Variants in NCAM2 observed in about 807,000 individuals in gnomAD.
The protein encoded by NCAM2 is neural cell adhesion molecule 2.
A neutral mutation model predicts 98.1 loss-of-function variants in NCAM2; 30 were observed. The observed-to-expected ratio is 0.31, with a 90% CI of 0.23 to 0.41. NCAM2 has a LOEUF of 0.41. Among genes scored for constraint, NCAM2 ranks in the 10% least tolerant of loss-of-function variants. NCAM2 has a pLI of 1.00. For missense variants in NCAM2, 867 were observed against 1,005.8 expected (o/e 0.86, Z 1.87); for synonymous variants, 368 against 342.4 (o/e 1.07, Z -0.83).
chr21:21,254,898 TTGTGTGTG>T (rs34003442), intron 1 of NCAM2, among the ~76,000 whole-genome samples: 4 of 147,776 alleles, frequency 2.7e-5, no homozygotes, highest in Non-Finnish European at 4.5e-5. Context: ...GGATAATAGT[TTGTGTGTG>T]TGTGTGTGTG....
chr21:21,382,091 A>G (rs2076165771), intron 9 of NCAM2, among the ~76,000 whole-genome samples: 1 of 152,172 alleles, frequency 6.6e-6, no homozygotes, highest in Non-Finnish European at 1.5e-5. Flanking sequence ...TATGCCATAT[A>G]TCATTTTATC....
intron 1 of NCAM2, among the ~76,000 whole-genome samples, chr21:21,131,796 AT>A (rs1344919876): frequency 1.3e-5 from 2 of 152,158 alleles, no homozygotes. Flanking sequence ...TTTAACTTAA[AT>A]TGTTTCCCAG....
intron 15 of NCAM2, among the ~76,000 whole-genome samples, chr21:21,477,880 A>G (rs991465832): frequency 6.6e-6 from 1 of 152,134 alleles, no homozygotes; most frequent in Non-Finnish European, 1.5e-5. Context: ...CCTATGCCTG[A>G]CCAAGCAAGT....
intron 1 of NCAM2, among the ~76,000 whole-genome samples, chr21:21,192,358 CTG>C (rs2068852004): frequency 6.6e-6 from 1 of 152,096 alleles, no homozygotes; most frequent in African/African-American, 2.4e-5. Flanking sequence ...GTAGAGGAAA[CTG>C]TTTCAAAAGA....
At chr21:21,263,335 T>C (rs1478894096) in intron 1 of NCAM2, among the ~76,000 whole-genome samples, 2 of 152,086 alleles carry the variant, frequency 1.3e-5, no homozygotes, top group African/African-American at 2.4e-5. Flanking sequence ...CAAGGTGAAC[T>C]AGAAAACGCT....
chr21:21,003,747 AG>A (rs2064062452), intron 1 of NCAM2, among the ~76,000 whole-genome samples: 1 of 152,190 alleles, frequency 6.6e-6, no homozygotes, highest in South Asian at 2.1e-4. Flanking sequence ...GTTATTGATA[AG>A]GGCGACTCAT....
chr21:21,014,193 A>C, intron 1 of NCAM2, among the ~76,000 whole-genome samples: 1 of 152,272 alleles, frequency 6.6e-6, no homozygotes, highest in South Asian at 2.1e-4. Context: ...TGGGAGGCCG[A>C]GGAAGGCAGA....
intron 15 of NCAM2, among the ~76,000 whole-genome samples, chr21:21,478,429 ACTAG>A (rs1985440931): frequency 1.3e-5 from 2 of 151,926 alleles, no homozygotes; most frequent in African/African-American, 4.8e-5. Flanking sequence ...GGAAAAGAAA[ACTAG>A]CTAGTTCAGT....
chr21:21,265,138 T>C (rs2072163946), intron 1 of NCAM2, among the ~76,000 whole-genome samples: 1 of 119,588 alleles, frequency 8.4e-6, no homozygotes, highest in Non-Finnish European at 1.6e-5. Context: ...TATATACATA[T>C]ATAATATATA....
intron 5 of NCAM2, among the ~76,000 whole-genome samples, chr21:21,297,191 G>T (rs2073518344): frequency 6.6e-6 from 1 of 151,642 alleles, no homozygotes; most frequent in South Asian, 2.1e-4. Flanking sequence ...TATTGAGCCT[G>T]GAGGAAATGA....
intron 9 of NCAM2, among the ~76,000 whole-genome samples, chr21:21,395,391 A>G (rs1569015959): frequency 6.6e-6 from 1 of 152,326 alleles, no homozygotes; most frequent in Non-Finnish European, 1.5e-5. Flanking sequence ...TAGAACATAC[A>G]TGGGTACATT....
intron 1 of NCAM2, among the ~76,000 whole-genome samples, chr21:21,271,627 A>G (rs553697932): frequency 6.6e-6 from 1 of 152,310 alleles, no homozygotes; most frequent in South Asian, 2.1e-4. Flanking sequence ...GGCTATTTGG[A>G]GTACTATTTA....
chr21:21,058,144 C>A (rs1382395069), intron 1 of NCAM2, among the ~76,000 whole-genome samples: 6 of 104,450 alleles, frequency 5.7e-5, no homozygotes, highest in African/African-American at 1.4e-4. Context: ...TAAGTCTCTT[C>A]AAAAAAAAAA....
intron 10 of NCAM2, among the ~76,000 whole-genome samples, chr21:21,411,101 T>TATAC (rs2076864489): frequency 2.7e-4 from 8 of 30,184 alleles, no homozygotes; most frequent in African/African-American, 1.7e-3. Context: ...TGTATATATA[T>TATAC]ACATATATAT....
At position 21,018,996 on chromosome 21, in the gene NCAM2, T is replaced by C. The variant is rs7277262; in HGVS notation, c.55+20378T>C. ...CATCACGTGGTTGGTCATTGAAGTA[T>C]TCTGGCTGAATGGTTGGATGCTAAA... On this transcript the variant is annotated intron_variant, in intron 1 of 17. Coordinates refer to ENST00000400546, the MANE Select transcript of NCAM2 (RefSeq NM_004540.5). Among the ~76,000 whole-genome samples, 1,164 of 152,356 alleles carry C rather than the reference T, an allele frequency of 7.6e-3. 10 individuals carry two copies. The highest frequency in any genetic ancestry group is 0.026 in the African/African-American group (1,073 of 41,586).
intron 1 of NCAM2, among the ~76,000 whole-genome samples, chr21:21,121,256 CCTT>C (rs374554670): frequency 5.8e-4 from 88 of 152,216 alleles, no homozygotes; most frequent in African/African-American, 2.1e-3. Context: ...ACAGATCATT[CCTT>C]CTTTTCTTTG....
At chr21:21,142,332 T>C (rs1485052301) in intron 1 of NCAM2, among the ~76,000 whole-genome samples, 1 of 151,824 alleles carries the variant, frequency 6.6e-6, no homozygotes, top group East Asian at 1.9e-4. Context: ...ACTACAAATA[T>C]ATGTTTAACT....
At chr21:21,367,057 T>A (rs2075803824) in intron 8 of NCAM2, among the ~76,000 whole-genome samples, 1 of 151,996 alleles carries the variant, frequency 6.6e-6, no homozygotes, top group Non-Finnish European at 1.5e-5. Context: ...GTGGCATACA[T>A]TATCACCATA....
chr21:21,143,987 T>G (rs1207675819), intron 1 of NCAM2, among the ~76,000 whole-genome samples: 4 of 152,132 alleles, frequency 2.6e-5, no homozygotes, highest in African/African-American at 9.7e-5. Context: ...TTGTCTATTT[T>G]CATACCTTTC....
Sources: gnomAD v4.1 joint callset for allele counts (sites outside exome capture counted in the v4.1 genomes callset) on GRCh38, gnomAD v4.1.1 for gene constraint, MANE v1.5 for transcripts, NCBI Gene and HGNC (gene_info 2026-07-23, HGNC 2026-07-21) for gene names.